The following TMC5 variants were observed in gnomAD, a reference collection of about 807,000 sequenced individuals.
TMC5 encodes the protein transmembrane channel like 5.
In TMC5, 86 loss-of-function variants were observed where a neutral mutation model predicts 110.5. That is an observed-to-expected ratio of 0.78 (90% CI 0.65 to 0.93). The LOEUF (loss-of-function observed/expected upper bound fraction) is 0.93, where lower values mean the gene tolerates loss of function less well. Ranked by LOEUF, TMC5 falls within the 40% of genes least tolerant of loss-of-function variation. The pLI is 0.00. For synonymous variants in TMC5, 455 were observed against 439.5 expected, an observed-to-expected ratio of 1.04 and a Z score of -0.44; for missense variants, 1,144 against 1,222.8, an observed-to-expected ratio of 0.94 and a Z score of 0.96.
At chr16:19,491,998 T>C (rs1337359490) in intron 18 of TMC5, 152 bp from the exon 19 acceptor site, 1 of 655,902 alleles carries the variant, frequency 1.5e-6, no homozygotes, top group Non-Finnish European at 2.7e-6. Context: ...CCAATGTATT[T>C]AACCTATAAC....
intron 8 of TMC5, 139 bp from the exon 9 acceptor site, chr16:19,465,943 C>A: frequency 1.3e-6 from 1 of 795,778 alleles, no homozygotes; most frequent in Non-Finnish European, 1.9e-6. Flanking sequence ...ATTCTCAGTG[C>A]CCCTTTCCTG....
At chr16:19,415,127 T>C (rs1332707572), upstream of TMC5, among the ~76,000 whole-genome samples, 1 of 152,226 alleles carries the variant, frequency 6.6e-6, no homozygotes, top group Non-Finnish European at 1.5e-5. Context: ...TGCCAACTTA[T>C]TGTCTACCTG....
chr16:19,425,212 T>C (rs188916300), intron 1 of TMC5, among the ~76,000 whole-genome samples: 91 of 152,302 alleles, frequency 6.0e-4, no homozygotes, highest in African/African-American at 2.1e-3. Context: ...CTACCTGGCT[T>C]CAAAGCTGTG....
chr16:19,471,792 ACT>A (rs1260450494), intron 10 of TMC5, among the ~76,000 whole-genome samples: 1 of 151,532 alleles, frequency 6.6e-6, no homozygotes, highest in African/African-American at 2.4e-5. Flanking sequence ...ACAGAGTCTC[ACT>A]CTGTCGCCCA....
chr16:19,456,538 G>A (rs1440330811), intron 5 of TMC5: 45 of 1,414,962 alleles, frequency 3.2e-5, no homozygotes, highest in Non-Finnish European at 3.9e-5. Context: ...TTGTGTAGGG[G>A]TGGCTTTGGT....
At chr16:19,447,859 T>A (rs1967648128) in intron 4 of TMC5, among the ~76,000 whole-genome samples, 2 of 151,496 alleles carry the variant, frequency 1.3e-5, no homozygotes, top group Non-Finnish European at 2.9e-5. Flanking sequence ...TAGCCTGTTA[T>A]CCCTATTTTA....
At chr16:19,459,357 A>T (rs1967962094) in intron 5 of TMC5, among the ~76,000 whole-genome samples, 1 of 152,186 alleles carries the variant, frequency 6.6e-6, no homozygotes, top group Non-Finnish European at 1.5e-5. Context: ...TGCAAATGTG[A>T]ATATGAGTTA....
At chr16:19,424,809 A>T (rs959625151) in intron 1 of TMC5, among the ~76,000 whole-genome samples, 1 of 152,112 alleles carries the variant, frequency 6.6e-6, no homozygotes, top group African/African-American at 2.4e-5. Flanking sequence ...AAGATCTCCA[A>T]TCTCTTCATT....
chr16:19,474,217 G>A lies in TMC5; in HGVS notation c.2031G>A (p.Met677Ile), dbSNP rs536320155. The change falls in exon 12 of 22, where the codon ATG (methionine) becomes ATA (isoleucine). Residue 677 changes from methionine (M) to isoleucine (I), a missense_variant. Met to Ile is a conservative substitution (Grantham distance 10, BLOSUM62 1). Coordinates refer to ENST00000542583, the MANE Select transcript of TMC5 (RefSeq NM_001261841.2). ...INLAVPCIYS[M>I]FRLVERYEMP... Reference sequence around the variant, plus strand: ...TGGCCGTGCCATGCATCTACTCCATGTTCAGGCTTGTGGAGAGGTACGAGA... The same window carrying A: ...TGGCCGTGCCATGCATCTACTCCATATTCAGGCTTGTGGAGAGGTACGAGA... 1 of 1,614,106 alleles carries A rather than the reference G, an allele frequency of 6.2e-7. No homozygotes were observed. The highest frequency in any genetic ancestry group is 1.3e-5 in the African/African-American group (1 of 75,020).
chr16:19,440,838 T>G lies in TMC5; in HGVS notation c.788+12T>G, dbSNP rs747284783. 6.2e-7 allele frequency: 1 copy of G among 1,603,010 alleles called. No individual in the cohort carries two copies. The highest frequency in any genetic ancestry group is 8.5e-7 in the Non-Finnish European group (1 of 1,174,326). On this transcript the variant is annotated intron_variant, in intron 3 of 21. Coordinates refer to ENST00000542583, the MANE Select transcript of TMC5 (RefSeq NM_001261841.2). ...AAGATGACCAGGGGGTAAGTTCAGA[T>G]ATATATCCCTTCACTGGGAGTGGAT...
At chr16:19,448,694 A>ATG (rs1967675151) in intron 4 of TMC5, among the ~76,000 whole-genome samples, 1 of 35,712 alleles carries the variant, frequency 2.8e-5, no homozygotes, top group Non-Finnish European at 4.8e-5. Flanking sequence ...TTTATAGATA[A>ATG]TATATATATT....
intron 2 of TMC5, among the ~76,000 whole-genome samples, chr16:19,438,906 G>A (rs1967417347): frequency 6.6e-6 from 1 of 152,220 alleles, no homozygotes; most frequent in African/African-American, 2.4e-5. Context: ...TAGGTTCTGA[G>A]GGACTTAGGT....
chr16:19,451,689 A>G (rs1557517), intron 5 of TMC5, among the ~76,000 whole-genome samples: 10,673 of 152,118 alleles, frequency 0.07, 752 homozygotes, highest in African/African-American at 0.19. Context: ...CAATTCTGAC[A>G]CTATCTACCT....
intron 12 of TMC5, 120 bp from the exon 13 acceptor site, chr16:19,477,320 C>A: frequency 1.4e-6 from 1 of 729,558 alleles, no homozygotes; most frequent in Admixed American, 2.2e-5. Context: ...AGCCATGTGC[C>A]CCCCTCCAAC....
chr16:19,434,112 T>G (rs1385378205), intron 2 of TMC5, among the ~76,000 whole-genome samples: 1 of 116,488 alleles, frequency 8.6e-6, no homozygotes, highest in Non-Finnish European at 1.7e-5. Context: ...ATATATTATA[T>G]ATATATCTAT....
In TMC5 at chr16:19,492,245, C is replaced by T. The variant is rs748290599; in HGVS notation, c.2826+17C>T. On this transcript the variant is annotated intron_variant, in intron 19 of 21. Coordinates refer to ENST00000542583, the MANE Select transcript of TMC5 (RefSeq NM_001261841.2). ...ATCATTAATGTAAGTCCCCTTGGAT[C>T]CCTCTGATGTCCGCCCTCACCCTTT... The T allele has an allele frequency of 7.6e-6, 12 of 1,585,158 alleles. No homozygotes were observed. The Admixed American group carries it at 1.8e-4, about 24-fold the overall frequency.
intron 1 of TMC5, among the ~76,000 whole-genome samples, chr16:19,427,183 A>G (rs1967102990): frequency 6.6e-6 from 1 of 152,164 alleles, no homozygotes; most frequent in African/African-American, 2.4e-5. Context: ...GCTGGGCACA[A>G]TGGCTCACAC....
chr16:19,450,127 A>T (rs1215659831), intron 5 of TMC5, among the ~76,000 whole-genome samples: 1 of 152,154 alleles, frequency 6.6e-6, no homozygotes, highest in Non-Finnish European at 1.5e-5. Flanking sequence ...CCTGCTTAAC[A>T]TATCATAATG....
chr16:19,485,112 CTTT>C (rs35687638), intron 15 of TMC5, among the ~76,000 whole-genome samples: 7 of 127,290 alleles, frequency 5.5e-5, no homozygotes, highest in African/African-American at 8.7e-5. Flanking sequence ...TATTATTTGC[CTTT>C]TTTTTTTTTT....
Sources: allele counts gnomAD v4.1 joint callset (sites outside exome capture counted in the v4.1 genomes callset), GRCh38; gene constraint gnomAD v4.1.1; transcripts MANE v1.5; gene names NCBI Gene and HGNC (gene_info 2026-07-23, HGNC 2026-07-21).